Variants in RYR1 observed in about 807,000 individuals in gnomAD.
RYR1 encodes the protein ryanodine receptor 1, also known as central core disease of muscle.
RYR1 carries 342 observed loss-of-function variants against 583.5 expected under a neutral mutation model. The ratio of observed to expected loss-of-function variants is 0.59; its 90% confidence interval spans 0.54 to 0.64. The LOEUF is 0.64. Among genes scored for constraint, RYR1 ranks in the 30% least tolerant of loss-of-function variants. RYR1 has a pLI of 0.00. For missense variants in RYR1, 6,032 were observed against 6,917.2 expected, an observed-to-expected ratio of 0.87 and a Z score of 4.54; for synonymous variants, 2,791 against 2,822.5, an observed-to-expected ratio of 0.99 and a Z score of 0.35.
At position 38,469,014 on chromosome 19, in the gene RYR1, C is replaced by T. The variant is rs1968272291; in HGVS notation, c.3430C>T (p.Pro1144Ser). The change falls in exon 26 of 106, where the codon CCG becomes TCG. Residue 1144 changes from proline (P) to serine (S), a missense_variant. By Grantham distance (74) the Pro-to-Ser change is moderately conservative. This residue lies in a region of RYR1 where 2,627 missense variants were observed against 2,961.3 expected (regional missense o/e 0.89). Transcript: ENST00000359596. ...GSEPFGRPWQ[P>S]GDVVGCMIDL... ...TGAACCATTTGGGCGCCCCTGGCAG[C>T]CGGGCGATGTCGTTGGCTGTATGAT... 3 of 1,614,060 alleles carry T rather than the reference C, an allele frequency of 1.9e-6. No homozygotes were observed. The highest frequency in any genetic ancestry group is 1.1e-5 in the South Asian group (1 of 91,084).
intron 4 of RYR1, 41 bp downstream of exon 4, chr19:38,443,673 T>A (rs762224993): frequency 1.3e-5 from 21 of 1,613,646 alleles, no homozygotes; most frequent in Non-Finnish European, 1.7e-5. Context: ...GGCCAGGGCA[T>A]GTGGGGCCTG....
chr19:38,548,441 G>C (rs1248069810), intron 89 of RYR1, 21 bp downstream of exon 89: 1 of 1,611,218 alleles, frequency 6.2e-7, no homozygotes, highest in Admixed American at 1.7e-5. Context: ...GACATCGTGT[G>C]GGCCCAGGAC....
Position 38,448,427 on chromosome 19 carries a change from G to T in RYR1, c.873G>T (p.Ala291=), listed in dbSNP as rs2229140. 3 of 1,613,544 alleles carry T rather than the reference G, an allele frequency of 1.9e-6. No homozygotes were observed. The highest frequency in any genetic ancestry group is 2.2e-5 in the South Asian group (2 of 91,082). ...VRHVTTGQYL[A]LTEDQGLVVV... is the part of the protein sequence containing the mutation. ...ATGTCACTACCGGGCAGTACCTAGC[G>T]CTCACCGAGGACCAGGGCCTGGTGG... Residue 291 remains alanine, a synonymous_variant, in exon 10 of 106, where the codon GCG becomes GCT. Coordinates refer to ENST00000359596, the MANE Select transcript of RYR1 (RefSeq NM_000540.3).
chr19:38,573,459 A>G, intron 96 of RYR1, 152 bp downstream of exon 96: 1 of 977,850 alleles, frequency 1.0e-6, no homozygotes, highest in East Asian at 3.0e-5. Context: ...AGGCGGGCGG[A>G]TCACGAGGTC....
At position 38,455,434 on chromosome 19, in the gene RYR1, A is replaced by C; in HGVS notation, c.1577-17A>C. 2.5e-6 allele frequency: 4 copies of C among 1,613,758 alleles called. No individual in the cohort carries two copies. The highest frequency in any genetic ancestry group is 3.4e-6 in the Non-Finnish European group (4 of 1,179,878). On this transcript the variant is annotated splice_polypyrimidine_tract_variant and intron_variant, in intron 14 of 105. Coordinates refer to ENST00000359596, the MANE Select transcript of RYR1 (RefSeq NM_000540.3). ...GATCCCCAGTCCTATTGGATCTGACACCTCTTCCCCCCTCAGCTTCTCTAA... is the reference window on the plus strand; with the variant it reads ...GATCCCCAGTCCTATTGGATCTGACCCCTCTTCCCCCCTCAGCTTCTCTAA...
intron 88 of RYR1, among the ~76,000 whole-genome samples, chr19:38,547,986 T>C (rs1002024337): frequency 9.2e-5 from 14 of 152,182 alleles, no homozygotes; most frequent in African/African-American, 3.1e-4. Context: ...GTGCTGGGAT[T>C]ACAGGCGTGA....
rs1315366741 is a variant in RYR1 at position 38,485,956 on chromosome 19, C to G, written c.5301C>G (p.Val1767=). 6.2e-7 allele frequency: 1 copy of G among 1,613,726 alleles called. No homozygotes were observed. Among genetic ancestry groups the G allele is most frequent in the Non-Finnish European group, 8.5e-7 (1 of 1,179,980 alleles). Residue 1767 remains valine, a synonymous_variant, in exon 34 of 106, where the codon GTC becomes GTG. Transcript: ENST00000359596. ...HPRHGLPGVG[V]TTSLRPPHHF... ...GGCATGGCCTGCCGGGAGTTGGAGTCACCACTTCGCTGAGGCCCCCGCATC... is the reference window on the plus strand; with the variant it reads ...GGCATGGCCTGCCGGGAGTTGGAGTGACCACTTCGCTGAGGCCCCCGCATC...
chr19:38,547,851 A>T (rs2960351), intron 88 of RYR1, among the ~76,000 whole-genome samples: 27,662 of 151,744 alleles, frequency 0.18, 3,302 homozygotes, highest in African/African-American at 0.32. Flanking sequence ...GTAGCTGGAA[A>T]TACAAGCACA....
intron 42 of RYR1, among the ~76,000 whole-genome samples, chr19:38,498,220 G>A (rs530216463): frequency 9.2e-5 from 14 of 152,250 alleles, no homozygotes; most frequent in South Asian, 4.1e-4. Context: ...GCATCTCATC[G>A]GTCACAACAA....
intron 9 of RYR1, among the ~76,000 whole-genome samples, chr19:38,447,758 C>A (rs1973016386): frequency 6.6e-6 from 1 of 151,364 alleles, no homozygotes; most frequent in African/African-American, 2.4e-5. Flanking sequence ...AGGAGAATCA[C>A]TTGAGCCTGG....
chr19:38,466,894 A>C (rs1968141685), intron 24 of RYR1, among the ~76,000 whole-genome samples: 1 of 151,932 alleles, frequency 6.6e-6, no homozygotes, highest in African/African-American at 2.4e-5. Context: ...CCCAGTTCCA[A>C]CTCGGAACCT....
In RYR1 at chr19:38,543,459, T is replaced by G; in HGVS notation, c.11778+24T>G. On this transcript the variant is annotated intron_variant, in intron 85 of 105. Coordinates refer to ENST00000359596, the MANE Select transcript of RYR1 (RefSeq NM_000540.3). The surrounding 1 kb of genome is among the most constrained non-coding windows in gnomAD (Gnocchi z 4.4). ...AGGTGAGGACGTGAGACGGTTCAGG[T>G]GTGACTTGGGTCGGGGGCTGCAGGG... 6.2e-7 allele frequency: 1 copy of G among 1,614,168 alleles called. No individual in the cohort carries two copies. The highest frequency in any genetic ancestry group is 1.3e-5 in the African/African-American group (1 of 75,036).
rs772118920 is a variant in RYR1, at chr19:38,585,053, C to T, written c.14757C>T (p.Ile4919=). Residue 4919 remains isoleucine (I), a synonymous_variant, in exon 102 of 106, where the codon ATC becomes ATT. Coordinates refer to ENST00000359596, the MANE Select transcript of RYR1 (RefSeq NM_000540.3). The part of the protein sequence containing the change: ...EYELYRVVFD[I]TFFFFVIVIL... ...AGCTCTACAGGGTGGTCTTCGACAT[C>T]ACCTTCTTCTTCTTCGTCATCGTCA... 6.2e-7 allele frequency: 1 copy of T among 1,614,034 alleles called. No homozygotes were observed. Among genetic ancestry groups the T allele is most frequent in the Non-Finnish European group, 8.5e-7 (1 of 1,179,996 alleles).
chr19:38,570,318 G>A (rs1420610536), intron 93 of RYR1, among the ~76,000 whole-genome samples: 2 of 152,006 alleles, frequency 1.3e-5, no homozygotes, highest in African/African-American at 4.8e-5. Flanking sequence ...TGGGCGTGGT[G>A]GCACACGCCT....
At chr19:38,510,947 C>T (rs1970699698) in intron 60 of RYR1, among the ~76,000 whole-genome samples, 166 bp downstream of exon 60, 1 of 152,122 alleles carries the variant, frequency 6.6e-6, no homozygotes, top group Non-Finnish European at 1.5e-5. Flanking sequence ...TGAAGGGTTT[C>T]CCAGGATGTG....
chr19:38,567,390 G>A (rs542149748), intron 92 of RYR1, among the ~76,000 whole-genome samples: 25 of 152,140 alleles, frequency 1.6e-4, no homozygotes, highest in Admixed American at 5.2e-4. Context: ...CCAGGCCTTC[G>A]CATGTGCTTT....
chr19:38,553,210 CT>C (rs1972739465), intron 89 of RYR1, among the ~76,000 whole-genome samples: 1 of 151,244 alleles, frequency 6.6e-6, no homozygotes, highest in Non-Finnish European at 1.5e-5. Context: ...TGGCAGGTGC[CT>C]GTAATCCCGG....
Position 38,444,547 on chromosome 19 carries a change from C to G in RYR1, c.538-37C>G. The G allele has an allele frequency of 6.3e-7, 1 of 1,585,862 alleles. No individual in the cohort carries two copies. Among genetic ancestry groups the G allele is most frequent in the Non-Finnish European group, 8.6e-7 (1 of 1,157,548 alleles). ...ACGCTGGGACTCTCGCCCACCCCTG[C>G]AATCGTCTCTGACTGCCGCATCCTG... On this transcript the variant is annotated intron_variant, in intron 6 of 105. Transcript: ENST00000359596. The surrounding 1 kb of genome is among the most constrained non-coding windows in gnomAD (Gnocchi z 5.1).
intron 97 of RYR1, among the ~76,000 whole-genome samples, chr19:38,577,308 T>C (rs969179270): frequency 6.6e-6 from 1 of 152,200 alleles, no homozygotes; most frequent in African/African-American, 2.4e-5. Flanking sequence ...GTATCTGGCA[T>C]ATAGGAGAAC....
Sources: gnomAD v4.1 joint callset for allele counts (sites outside exome capture counted in the v4.1 genomes callset) on GRCh38, gnomAD v4.1.1 for gene constraint, gnomAD v4.1.1 regional missense constraint, Gnocchi (gnomAD v3.1) non-coding constraint, MANE v1.5 for transcripts, NCBI Gene and HGNC (gene_info 2026-07-23, HGNC 2026-07-21) for gene names.